Variants in CCDC88B observed in about 807,000 individuals in gnomAD.
The protein encoded by CCDC88B is coiled-coil domain-containing protein 88B.
CCDC88B carries 138 observed loss-of-function variants against 183.7 expected under a neutral mutation model. The ratio of observed to expected loss-of-function variants is 0.75; its 90% confidence interval spans 0.65 to 0.87. The LOEUF (loss-of-function observed/expected upper bound fraction) is 0.87. CCDC88B is among the 40% of genes least tolerant of loss of function. The pLI is 0.00. For synonymous variants in CCDC88B, 835 were observed against 867.5 expected, an observed-to-expected ratio of 0.96 and a Z score of 0.66; for missense variants, 1,822 against 1,965.6, an observed-to-expected ratio of 0.93 and a Z score of 1.38.
chr11:64,345,094 C>G lies in CCDC88B; in HGVS notation c.2553C>G (p.Ser851Arg), dbSNP rs566480899. 7 of 1,550,828 alleles carry G rather than the reference C, an allele frequency of 4.5e-6. No homozygotes were observed. The African/African-American group carries it at 8.1e-5, about 18-fold the overall frequency. ...AGGAACGGATGCAGGTGCTGGAGAG[C>G]GAGGGCCGCCAGCACTTGGAGGAGG... The part of the protein sequence containing the change: ...AAEERMQVLE[S>R]EGRQHLEEAE... The change falls in exon 14 of 27, where the codon AGC becomes AGG. Residue 851 changes from serine (S) to arginine (R), a missense_variant. Coordinates refer to ENST00000356786, the MANE Select transcript of CCDC88B (RefSeq NM_032251.6).
In CCDC88B at chr11:64,340,286, C is replaced by T; in HGVS notation, c.20C>T (p.Pro7Leu). The T allele has an allele frequency of 1.6e-6, 2 of 1,272,268 alleles. No individual in the cohort carries two copies. Among genetic ancestry groups the T allele is most frequent in the African/African-American group, 1.5e-5 (1 of 64,820 alleles). The allele number at this position is 1,272,268 out of a possible 1,614,324, so 78.8% of individuals were successfully genotyped here. The change falls in exon 1 of 27, where the codon CCC (proline) becomes CTC (leucine). Residue 7 changes from proline to leucine, a missense_variant. Coordinates refer to ENST00000356786, the MANE Select transcript of CCDC88B (RefSeq NM_032251.6). ...CCGGGCATGGAGGGGGGCAAGGGGC[C>T]CAGGCTCAGAGACTTCCTGAGTGGG... MEGGKGPRLRDFLSGSL... is the reference protein window; with the variant it reads MEGGKGLRLRDFLSGSL...
intron 24 of CCDC88B, among the ~76,000 whole-genome samples, chr11:64,354,856 C>A (rs2036487760): frequency 2.0e-5 from 2 of 100,358 alleles, no homozygotes; most frequent in Admixed American, 1.9e-4. Flanking sequence ...CAGCCTCCTC[C>A]CCTCCTCTGA....
At chr11:64,349,146 T>C (rs1307975718) in intron 14 of CCDC88B, 185 bp from the exon 15 acceptor site, 2 of 768,096 alleles carry the variant, frequency 2.6e-6, no homozygotes, top group Non-Finnish European at 4.5e-6. Flanking sequence ...AGCTCTTTCA[T>C]GCCCAATTTC....
chr11:64,352,257 G>A lies in CCDC88B; in HGVS notation c.3227G>A (p.Arg1076Gln), dbSNP rs986570881. The A allele has an allele frequency of 1.5e-5, 24 of 1,601,682 alleles. No individual in the cohort carries two copies. In the Middle Eastern group the frequency reaches 7.3e-4, roughly 48 times the overall value. ...CGCGGGCAGCAGCAGGCCCTGCTTC[G>A]GGACCACAAGGCCCTGGCACAGCTG... ...ETRGQQQALLRDHKALAQLQR... is the reference protein window; with the variant it reads ...ETRGQQQALLQDHKALAQLQR... The change falls in exon 19 of 27, where the codon CGG (arginine) becomes CAG (glutamine). Residue 1076 changes from arginine (R) to glutamine (Q), a missense_variant. Arg to Gln is a conservative substitution (Grantham distance 43). Transcript: ENST00000356786.
At chr11:64,340,512 G>T in intron 1 of CCDC88B, 95 bp from the exon 2 acceptor site, 1 of 1,516,282 alleles carries the variant, frequency 6.6e-7, no homozygotes, top group Non-Finnish European at 8.8e-7. Flanking sequence ...GCACTCAGAG[G>T]ACGGGTGAGA....
At position 64,343,261 on chromosome 11, in the gene CCDC88B, C is replaced by A; in HGVS notation, c.1145C>A (p.Ala382Asp). ...EQLEAARERCARLHETQRENL... is the reference protein window; with the variant it reads ...EQLEAARERCDRLHETQRENL... ...CTGGAGGCTGCCCGAGAGCGCTGCG[C>A]CCGGCTGCACGAGACCCAGCGCGAG... The change falls in exon 11 of 27, where the codon GCC becomes GAC. Residue 382 changes from alanine to aspartate, a missense_variant. Coordinates refer to ENST00000356786, the MANE Select transcript of CCDC88B (RefSeq NM_032251.6). 1 of 1,549,096 alleles carries A rather than the reference C, an allele frequency of 6.5e-7. No homozygotes were observed.
intron 10 of CCDC88B, 197 bp downstream of exon 10, chr11:64,342,877 G>C (rs543122145): frequency 1.6e-4 from 84 of 538,208 alleles, no homozygotes; most frequent in East Asian, 6.4e-4. Context: ...GTAGGGGAGT[G>C]GGGGGGCTGT....
Position 64,353,705 on chromosome 11 carries a change from C to A in CCDC88B, c.3834-10C>A. Reference sequence around the variant, plus strand: ...CCTCACACCCACCTCTCCCTTCTCACTCCTGCCAGGGACCAGCTTAATGCC... The same window carrying A: ...CCTCACACCCACCTCTCCCTTCTCAATCCTGCCAGGGACCAGCTTAATGCC... On this transcript the variant is annotated splice_polypyrimidine_tract_variant and intron_variant, in intron 22 of 26. Transcript: ENST00000356786. 3 of 1,613,778 alleles carry A rather than the reference C, an allele frequency of 1.9e-6. No individual in the cohort carries two copies. The highest frequency in any genetic ancestry group is 1.7e-6 in the Non-Finnish European group (2 of 1,179,894).
chr11:64,356,929 G>C lies in CCDC88B; in HGVS notation c.4376-110G>C, dbSNP rs1455913928. ...GCAGGCGTGGTGCAGCTGGAAGCGGGGGGTATTGGCAGGTCGGGGGTGGGC... is the reference window on the plus strand; with the variant it reads ...GCAGGCGTGGTGCAGCTGGAAGCGGCGGGTATTGGCAGGTCGGGGGTGGGC... On this transcript the variant is annotated intron_variant, in intron 26 of 26. Transcript: ENST00000356786. The C allele has an allele frequency of 1.2e-4, 123 of 1,028,594 alleles. No individual in the cohort carries two copies. The East Asian group carries it at 2.8e-3, about 23-fold the overall frequency. The allele number at this position is 1,028,594 out of a possible 1,614,324, so 63.7% of individuals were successfully genotyped here.
chr11:64,356,811 T>G, intron 26 of CCDC88B: 4 of 513,166 alleles, frequency 7.8e-6, no homozygotes, highest in East Asian at 3.0e-5. Context: ...TCAGAGAGGA[T>G]GTGAAATTGG....
chr11:64,353,532 A>G lies in CCDC88B; in HGVS notation c.3833+36A>G, dbSNP rs778583401. 1.9e-5 allele frequency: 31 copies of G among 1,602,920 alleles called. No homozygotes were observed. In the East Asian group the frequency reaches 6.0e-4, roughly 31 times the overall value. On this transcript the variant is annotated intron_variant, in intron 22 of 26. Coordinates refer to ENST00000356786, the MANE Select transcript of CCDC88B (RefSeq NM_032251.6). Reference sequence around the variant, plus strand: ...CGCCTGGGAGCGGGGTGGGGCCTGCATCCCCTTTGGGCGTTCCTGGGGAGA... The same window carrying G: ...CGCCTGGGAGCGGGGTGGGGCCTGCGTCCCCTTTGGGCGTTCCTGGGGAGA...
rs1053260053 is a variant in CCDC88B, at chr11:64,355,419, T to C, written c.4306+19T>C. 1.4e-5 allele frequency: 23 copies of C among 1,589,594 alleles called. No individual in the cohort carries two copies. Among genetic ancestry groups the C allele is most frequent in the Non-Finnish European group, 1.9e-5 (22 of 1,168,520 alleles). On this transcript the variant is annotated intron_variant, in intron 25 of 26. Coordinates refer to ENST00000356786, the MANE Select transcript of CCDC88B (RefSeq NM_032251.6). ...AGCAAAGGTGAGGGACAAGGGTCAC[T>C]GTACCAGCCAGCCCCCCAACTCTTT...
chr11:64,353,438 C>T lies in CCDC88B; in HGVS notation c.3775C>T (p.Leu1259Phe). Residue 1259 changes from leucine (L) to phenylalanine (F), a missense_variant, in exon 22 of 27, where the codon CTC becomes TTC. Coordinates refer to ENST00000356786, the MANE Select transcript of CCDC88B (RefSeq NM_032251.6). ...GGCCCTGAGCCGGGAGAACAGGGAG[C>T]TCCTGGAGCGCAGCCTGGAGAGTCG... ...VQALSRENRE[L>F]LERSLESRDH... 2 of 1,613,170 alleles carry T rather than the reference C, an allele frequency of 1.2e-6. No homozygotes were observed. The highest frequency in any genetic ancestry group is 8.5e-7 in the Non-Finnish European group (1 of 1,179,974).
At chr11:64,348,902 C>T in intron 14 of CCDC88B, 2 of 676,194 alleles carry the variant, frequency 3.0e-6, no homozygotes, top group Non-Finnish European at 2.8e-6. Context: ...CCCTCCAGCC[C>T]TCCGTGGCCT....
rs1565063627 is a variant in CCDC88B, at chr11:64,357,467, CT to C, written c.*374del. The C allele has an allele frequency of 5.6e-6, 4 of 715,506 alleles. No individual in the cohort carries two copies. In the Admixed American group the frequency reaches 8.0e-5, roughly 14 times the overall value. 44.3% of individuals were successfully genotyped at this position (715,506 alleles called of 1,614,324 possible). On this transcript the variant is annotated 3_prime_UTR_variant, in exon 27 of 27. Transcript: ENST00000356786. ...AGTCCCAGTGCTGGGGGACTGTGGC[CT>C]GGGCTGATCTTGAGCCTTAACTGGA...
Position 64,353,404 on chromosome 11 carries a change from T to C in CCDC88B, c.3741T>C (p.Ala1247=), listed in dbSNP as rs766146024. Residue 1247 remains alanine (A), a synonymous_variant, in exon 22 of 27, where the codon GCT becomes GCC. Transcript: ENST00000356786. ...AQEEENRQLL[A]EVQALSRENR... is the part of the protein sequence containing the mutation. The stretch of plus-strand genomic sequence containing the variant: ...AAGAGGAGAACCGGCAGCTGCTGGC[T>C]GAAGTTCAGGCCCTGAGCCGGGAGA... The C allele has an allele frequency of 6.2e-7, 1 of 1,613,342 alleles. No individual in the cohort carries two copies. The highest frequency in any genetic ancestry group is 1.3e-5 in the African/African-American group (1 of 74,912).
intron 26 of CCDC88B, chr11:64,356,065 A>G (rs1233741374): frequency 1.3e-5 from 2 of 150,052 alleles, no homozygotes; most frequent in Non-Finnish European, 2.9e-5. Context: ...GCTCACTGCA[A>G]CCTCCTCCTC....
intron 25 of CCDC88B, 74 bp downstream of exon 25, chr11:64,355,474 G>A: frequency 6.3e-7 from 1 of 1,586,182 alleles, no homozygotes; most frequent in Non-Finnish European, 8.6e-7. Flanking sequence ...GGGGGAGGAG[G>A]CTTCCTTCTT....
chr11:64,342,731 A>C (rs898988084), intron 10 of CCDC88B, 51 bp downstream of exon 10: 2 of 1,439,556 alleles, frequency 1.4e-6, no homozygotes, highest in African/African-American at 2.9e-5. Flanking sequence ...GGGGCGGGCC[A>C]GGAGGAGGGG....
Sources: allele counts gnomAD v4.1 joint callset (sites outside exome capture counted in the v4.1 genomes callset), GRCh38; gene constraint gnomAD v4.1.1; transcripts MANE v1.5; gene names NCBI Gene and HGNC (gene_info 2026-07-23, HGNC 2026-07-21).